CYFIP2: variants seen among roughly 807,000 people sequenced by gnomAD.
CYFIP2 encodes cytoplasmic FMR1-interacting protein 2.
CYFIP2 carries 29 observed loss-of-function variants against 158.7 expected under a neutral mutation model. The ratio of observed to expected loss-of-function variants is 0.18; its 90% CI spans 0.14 to 0.25. CYFIP2 has a LOEUF of 0.25. Ranked by LOEUF, CYFIP2 falls within the 10% of genes least tolerant of loss-of-function variation. The pLI, the probability that CYFIP2 is intolerant of heterozygous loss-of-function variation, is 1.00. For missense variants in CYFIP2, 852 were observed against 1,639.5 expected, an observed-to-expected ratio of 0.52 and a Z score of 8.29; for synonymous variants, 585 against 617.6, an observed-to-expected ratio of 0.95 and a Z score of 0.78.
At chr5:157,287,169 G>T (rs1309583021) in intron 3 of CYFIP2, 61 bp downstream of exon 3, 1 of 1,398,308 alleles carries the variant, frequency 7.2e-7, no homozygotes, top group East Asian at 2.3e-5. Context: ...GGGGCCGCGG[G>T]CAGCTTCTCA....
intron 11 of CYFIP2, among the ~76,000 whole-genome samples, chr5:157,312,617 G>A (rs1293767107): frequency 1.3e-5 from 2 of 152,306 alleles, no homozygotes; most frequent in African/African-American, 4.8e-5. Flanking sequence ...GTGGCTAACA[G>A]CCATGGTGAC....
intron 23 of CYFIP2, among the ~76,000 whole-genome samples, chr5:157,355,618 G>A (rs1260749295): frequency 6.6e-6 from 1 of 152,182 alleles, no homozygotes; most frequent in Non-Finnish European, 1.5e-5. Context: ...ACTCAGACAA[G>A]CTAGAAAAGA....
chr5:157,388,612 A>G (rs531459375), intron 28 of CYFIP2, among the ~76,000 whole-genome samples: 1 of 152,326 alleles, frequency 6.6e-6, no homozygotes, highest in Admixed American at 6.5e-5. Flanking sequence ...TTTAAGTAGA[A>G]TTGTAGTATA....
At chr5:157,306,861 G>A (rs1759270453) in intron 8 of CYFIP2, among the ~76,000 whole-genome samples, 1 of 151,620 alleles carries the variant, frequency 6.6e-6, no homozygotes, top group South Asian at 2.1e-4. Flanking sequence ...CAGCCCGGGT[G>A]GGGTGGGGTA....
At position 157,300,691 on chromosome 5, in the gene CYFIP2, TACTC is replaced by T. The variant is rs1758673608; in HGVS notation, c.388-20_388-17del. The stretch of plus-strand genomic sequence containing the variant: ...CCCCATAAGGGAGCACAGTGGACCT[TACTC>T]ACTGCCCCTCTGCCCCCAGCGCAAG... On this transcript the variant is annotated intron_variant, in intron 5 of 30. Transcript: ENST00000620254. 4 of 1,534,402 alleles carry T rather than the reference TACTC, an allele frequency of 2.6e-6. No homozygotes were observed. In the South Asian group the frequency reaches 3.8e-5, roughly 15 times the overall value.
chr5:157,367,162 G>A (rs1764455361), intron 26 of CYFIP2, among the ~76,000 whole-genome samples: 1 of 152,198 alleles, frequency 6.6e-6, no homozygotes, highest in African/African-American at 2.4e-5. Flanking sequence ...ATGCCAGTCA[G>A]ATCTGGAAAG....
At chr5:157,302,772 G>C in intron 6 of CYFIP2, 22 bp from the exon 7 acceptor site, 1 of 1,555,158 alleles carries the variant, frequency 6.4e-7, no homozygotes, top group Non-Finnish European at 8.7e-7. Context: ...CCTCTCTGCA[G>C]CACCCACTAT....
At position 157,339,176 on chromosome 5, in the gene CYFIP2, T is replaced by C; in HGVS notation, c.2505T>C (p.Tyr835=). ...CCAATCACAATGTGTCCGCCCCCTA[T>C]GGCCGTATCACCCTGCATGTCTTCT... ...REANHNVSAP[Y]GRITLHVFWE... Residue 835 remains tyrosine (Y), a synonymous_variant, in exon 22 of 31, where the codon TAT becomes TAC. Coordinates refer to ENST00000620254, the MANE Select transcript of CYFIP2 (RefSeq NM_001037333.3). The C allele has an allele frequency of 6.2e-7, 1 of 1,613,902 alleles. No individual in the cohort carries two copies. Among genetic ancestry groups the C allele is most frequent in the Non-Finnish European group, 8.5e-7 (1 of 1,179,852 alleles).
intron 21 of CYFIP2, among the ~76,000 whole-genome samples, chr5:157,338,318 C>T (rs1383164687): frequency 1.3e-5 from 2 of 152,216 alleles, no homozygotes; most frequent in African/African-American, 4.8e-5. Context: ...GGCTTGTAGC[C>T]ACGCCTTTGC....
rs912591144 is a variant in CYFIP2, at chr5:157,361,872, A to C, written c.3039+274A>C. 1.3e-5 allele frequency among the ~76,000 whole-genome samples: 2 copies of C among 152,188 alleles called. No individual in the cohort carries two copies. The highest frequency in any genetic ancestry group is 2.9e-5 in the Non-Finnish European group (2 of 68,028). ...ACAGTAAAAACAAACATCCACGCTG[A>C]GGTTTACTGCAGGAGAAAGGAGGGT... is the stretch of plus-strand genomic sequence containing the variant. On this transcript the variant is annotated intron_variant, in intron 26 of 30. Transcript: ENST00000620254. This position sits in a 1 kb window ranked among gnomAD's most constrained non-coding sequence, Gnocchi z 4.4.
Position 157,285,464 on chromosome 5 carries a change from TC to T in CYFIP2, c.105del (p.Ile36SerfsTer34). 1 of 1,570,060 alleles carries T rather than the reference TC, an allele frequency of 6.4e-7. No homozygotes were observed. On this transcript the variant is annotated frameshift_variant, in exon 2 of 31. Coordinates refer to ENST00000620254, the MANE Select transcript of CYFIP2 (RefSeq NM_001037333.3). LOFTEE classifies it high-confidence loss of function. ...GCCATGCATCGAGCCTCCACCTTCCTCCATCATGTACCAGGTAATGGAAATG... is the reference window on the plus strand; with the variant it reads ...GCCATGCATCGAGCCTCCACCTTCCTCATCATGTACCAGGTAATGGAAATG... ...QQPCIEPPPS[S>X]IMYQANFDTN... is the part of the protein sequence containing the mutation.
chr5:157,311,102 A>AAC lies in CYFIP2; in HGVS notation c.993-562_993-561insAC. 1.1e-5 allele frequency: 1 copy of AAC among 93,792 alleles called. No homozygotes were observed. The highest frequency in any genetic ancestry group is 5.7e-5 in the South Asian group (1 of 17,428). 5.8% of individuals were successfully genotyped at this position (93,792 alleles called of 1,614,324 possible). On this transcript the variant is annotated intron_variant, in intron 10 of 30. Coordinates refer to ENST00000620254, the MANE Select transcript of CYFIP2 (RefSeq NM_001037333.3). This position sits in a 1 kb window ranked among gnomAD's most constrained non-coding sequence, Gnocchi z 4.7. The stretch of plus-strand genomic sequence containing the variant: ...AAGGAGAGAAGGGGGCGAGAGGTAG[A>AAC]GGGGGTGGGTGGAGGGAGGGGCCAC...
At chr5:157,370,522 C>G (rs1764897762) in intron 26 of CYFIP2, among the ~76,000 whole-genome samples, 1 of 152,210 alleles carries the variant, frequency 6.6e-6, no homozygotes, top group Non-Finnish European at 1.5e-5. Flanking sequence ...GCCCTACTCC[C>G]TCTTTGATAA....
At chr5:157,315,670 T>C (rs62389529) in intron 13 of CYFIP2, among the ~76,000 whole-genome samples, 40,616 of 152,230 alleles carry the variant, frequency 0.27, 5,974 homozygotes, top group Non-Finnish European at 0.34. Context: ...TGCAGAGATA[T>C]TTGTACATGG....
At chr5:157,391,596 T>G (rs1018533226) in intron 30 of CYFIP2, among the ~76,000 whole-genome samples, 1 of 152,238 alleles carries the variant, frequency 6.6e-6, no homozygotes, top group Non-Finnish European at 1.5e-5. Context: ...TTCATCCATG[T>G]TGTAGTGTCC....
At chr5:157,327,907 G>A (rs541707959) in intron 18 of CYFIP2, 66 bp from the exon 19 acceptor site, 1 of 1,506,716 alleles carries the variant, frequency 6.6e-7, no homozygotes, top group Non-Finnish European at 9.2e-7. Context: ...CTGTCTTTCA[G>A]TTGGCTCAGT....
At chr5:157,315,193 AT>A in intron 13 of CYFIP2, 99 bp downstream of exon 13, 1 of 1,480,316 alleles carries the variant, frequency 6.8e-7, no homozygotes, top group East Asian at 2.4e-5. Flanking sequence ...GGTTGCCCTA[AT>A]TTTCGTGCTC....
At chr5:157,316,615 C>T (rs1323893871) in intron 13 of CYFIP2, among the ~76,000 whole-genome samples, 1 of 152,186 alleles carries the variant, frequency 6.6e-6, no homozygotes, top group Non-Finnish European at 1.5e-5. Flanking sequence ...GACCATTTGA[C>T]ACCTACAAGA....
intron 13 of CYFIP2, among the ~76,000 whole-genome samples, chr5:157,316,180 G>T (rs1202669435): frequency 1.3e-5 from 2 of 152,056 alleles, no homozygotes; most frequent in African/African-American, 4.8e-5. Flanking sequence ...AACAATTAAA[G>T]AACAGCATAT....
Sources: gnomAD v4.1 joint callset for allele counts (sites outside exome capture counted in the v4.1 genomes callset) on GRCh38, gnomAD v4.1.1 for gene constraint, Gnocchi (gnomAD v3.1) non-coding constraint, MANE v1.5 for transcripts, NCBI Gene and HGNC (gene_info 2026-07-23, HGNC 2026-07-21) for gene names.